The following ZNF487 variants were observed in gnomAD, a reference collection of about 807,000 sequenced individuals.
The protein encoded by ZNF487 is zinc finger protein 487.
A neutral mutation model predicts 3.0 loss-of-function variants in ZNF487; 4 were observed. The observed-to-expected ratio is 1.35, with a 90% CI of 0.66 to 3.08. The LOEUF (loss-of-function observed/expected upper bound fraction) is 3.08. Ranked by LOEUF, ZNF487 falls within the 30% of genes most tolerant of loss-of-function variation. The pLI is 0.01. For missense variants in ZNF487, 146 were observed against 98.7 expected (o/e 1.48, Z -2.03); for synonymous variants, 55 against 34.6 (o/e 1.59, Z -2.06).
chr10:43,506,935 G>C, the ZNF487 span, among the ~76,000 whole-genome samples: 1 of 152,148 alleles, frequency 6.6e-6, no homozygotes, highest in African/African-American at 2.4e-5. Context: ...AACTGTTCTT[G>C]GTGGATAACT....
the ZNF487 span, among the ~76,000 whole-genome samples, chr10:43,521,971 G>A: frequency 6.6e-6 from 1 of 151,962 alleles, no homozygotes; most frequent in Admixed American, 6.6e-5. Flanking sequence ...TGATAAATAG[G>A]GAAATTTTAT....
At chr10:43,516,419 C>G in the ZNF487 span, among the ~76,000 whole-genome samples, 2 of 152,090 alleles carry the variant, frequency 1.3e-5, no homozygotes, top group African/African-American at 4.8e-5. Context: ...ACTCCTGGTA[C>G]CAAAATCTGT....
intron 1 of ZNF487, among the ~76,000 whole-genome samples, chr10:43,462,812 C>G (rs1001864474): frequency 6.6e-6 from 1 of 151,430 alleles, no homozygotes; most frequent in African/African-American, 2.4e-5. Context: ...TGTTGTCACC[C>G]AGGCTGGAGT....
In ZNF487 at chr10:43,476,072, A is replaced by C. The variant is rs1297152591; in HGVS notation, c.35-35A>C. ...GGCACACCTTTGTCCTCCGCAGGCT[A>C]TCTGGCCCACGTCCTGTGTCATTTT... is the stretch of plus-strand genomic sequence containing the variant. On this transcript the variant is annotated intron_variant, in intron 2 of 3. Coordinates refer to ENST00000437590, the MANE Select transcript of ZNF487 (RefSeq NM_001355444.3). 7.0e-6 allele frequency: 5 copies of C among 714,658 alleles called. No homozygotes were observed. In the Admixed American group the frequency reaches 8.1e-5, roughly 12 times the overall value. The allele number at this position is 714,658 out of a possible 1,614,324, so 44.3% of individuals were successfully genotyped here.
the ZNF487 span, among the ~76,000 whole-genome samples, chr10:43,493,687 C>CAAAAAAAAAAAA: frequency 3.0e-4 from 4 of 13,492 alleles, 1 homozygote; most frequent in African/African-American, 1.4e-3. Context: ...GACCCTTCCT[C>CAAAAAAAAAAAA]AAAAAAAGAA....
intron 1 of ZNF487, among the ~76,000 whole-genome samples, chr10:43,441,620 C>T (rs1313433377): frequency 6.6e-6 from 1 of 151,810 alleles, no homozygotes; most frequent in Non-Finnish European, 1.5e-5. Context: ...CAGGGTCTCT[C>T]TGTCACCCAG....
intron 1 of ZNF487, among the ~76,000 whole-genome samples, chr10:43,467,994 G>A (rs7083877): frequency 0.12 from 17,762 of 152,064 alleles, 1,416 homozygotes; most frequent in Non-Finnish European, 0.16. Context: ...ACATTAATAG[G>A]AATTTGGAAG....
intron 1 of ZNF487, among the ~76,000 whole-genome samples, chr10:43,470,724 G>T (rs1227596632): frequency 6.6e-5 from 10 of 152,124 alleles, no homozygotes; most frequent in Admixed American, 6.6e-4. Context: ...TTGCCATGTT[G>T]CCCAGGCTGG....
chr10:43,494,924 G>A, the ZNF487 span, among the ~76,000 whole-genome samples: 1 of 125,178 alleles, frequency 8.0e-6, no homozygotes. Context: ...GCAGCAGAGT[G>A]AGACTCCATC....
At chr10:43,476,946 T>TA (rs1167352429) in intron 3 of ZNF487, among the ~76,000 whole-genome samples, 6 of 152,186 alleles carry the variant, frequency 3.9e-5, no homozygotes, top group Admixed American at 6.5e-5. Context: ...TCAAAGGTTT[T>TA]ATGCTGAGGC....
At chr10:43,501,251 A>G in the ZNF487 span, among the ~76,000 whole-genome samples, 32 of 152,328 alleles carry the variant, frequency 2.1e-4, no homozygotes, top group Middle Eastern at 3.4e-3. Flanking sequence ...CTTACCATGC[A>G]TGGATCTTGC....
At chr10:43,440,073 A>G (rs1839543187) in intron 1 of ZNF487, among the ~76,000 whole-genome samples, 1 of 114,706 alleles carries the variant, frequency 8.7e-6, no homozygotes, top group Admixed American at 9.3e-5. Context: ...TTTGAGGCGA[A>G]GTTTCACTCA....
chr10:43,479,974 T>C (rs200297795), intron 3 of ZNF487, among the ~76,000 whole-genome samples: 2,806 of 37,988 alleles, frequency 0.074, 111 homozygotes, highest in East Asian at 0.21. Flanking sequence ...TTCTTTCTTT[T>C]CTTTCTTTCC....
downstream of ZNF487, chr10:43,483,184 A>C (rs529123088): frequency 2.4e-6 from 1 of 419,478 alleles, no homozygotes; most frequent in African/African-American, 2.1e-5. Flanking sequence ...TTTGCCTAGA[A>C]GTGATATTTC....
intron 1 of ZNF487, among the ~76,000 whole-genome samples, chr10:43,449,922 C>T (rs1839946952): frequency 6.6e-6 from 1 of 152,096 alleles, no homozygotes; most frequent in African/African-American, 2.4e-5. Context: ...TCAGGTGATC[C>T]ACCTGCCTTG....
At chr10:43,513,619 T>G in the ZNF487 span, among the ~76,000 whole-genome samples, 2 of 152,312 alleles carry the variant, frequency 1.3e-5, no homozygotes, top group East Asian at 3.9e-4. Flanking sequence ...GCAGCTCTAA[T>G]GGCTTTCATT....
intron 1 of ZNF487, among the ~76,000 whole-genome samples, chr10:43,456,729 C>T (rs896899985): frequency 4.6e-5 from 7 of 151,994 alleles, no homozygotes; most frequent in African/African-American, 7.3e-5. Flanking sequence ...TACAGGTGCG[C>T]GACACCATGC....
chr10:43,475,548 C>T (rs1009800219), intron 1 of ZNF487, 173 bp from the exon 2 acceptor site: 10 of 587,262 alleles, frequency 1.7e-5, no homozygotes, highest in Non-Finnish European at 2.4e-5. Flanking sequence ...CGGCAGAGTC[C>T]TCATACCAGG....
In ZNF487 at chr10:43,482,213, C is replaced by T; in HGVS notation, c.*291C>T. 1 of 469,114 alleles carries T rather than the reference C, an allele frequency of 2.1e-6. No homozygotes were observed. Among genetic ancestry groups the T allele is most frequent in the Non-Finnish European group, 3.9e-6 (1 of 257,264 alleles). The allele number at this position is 469,114 out of a possible 1,614,324, so 29.1% of individuals were successfully genotyped here. Reference sequence around the variant, plus strand: ...CTGCAAGAAGCCAAATTTCACTCAACATCAAGAAACACATATAGGAAAGAA... The same window carrying T: ...CTGCAAGAAGCCAAATTTCACTCAATATCAAGAAACACATATAGGAAAGAA... On this transcript the variant is annotated 3_prime_UTR_variant, in exon 4 of 4. Transcript: ENST00000437590.
Sources: gnomAD v4.1 joint callset for allele counts (sites outside exome capture counted in the v4.1 genomes callset) on GRCh38, gnomAD v4.1.1 for gene constraint, MANE v1.5 for transcripts, NCBI Gene and HGNC (gene_info 2026-07-23, HGNC 2026-07-21) for gene names.